ELAPOR1: variants seen among roughly 807,000 people sequenced by gnomAD.
ELAPOR1 encodes the protein endosome-lysosome associated apoptosis and autophagy regulator 1.
Under a neutral mutation model 119.7 loss-of-function variants are expected in ELAPOR1, and 77 were observed. The observed-to-expected ratio is 0.64, with a 90% CI of 0.54 to 0.78. The LOEUF (loss-of-function observed/expected upper bound fraction) is 0.78, where lower values mean the gene tolerates loss of function less well. ELAPOR1 is among the 30% of genes least tolerant of loss of function. The pLI is 0.00. For synonymous variants in ELAPOR1, 481 were observed against 487.2 expected (o/e 0.99, Z 0.17); for missense variants, 1,115 against 1,270.4 (o/e 0.88, Z 1.86).
intron 1 of ELAPOR1, among the ~76,000 whole-genome samples, chr1:109,133,903 T>C (rs1235276583): frequency 1.3e-5 from 2 of 152,320 alleles, no homozygotes; most frequent in East Asian, 3.9e-4. Flanking sequence ...CCTGTCTTAA[T>C]TTCTTCCACC....
intron 1 of ELAPOR1, among the ~76,000 whole-genome samples, chr1:109,146,059 C>T (rs758356425): frequency 6.6e-6 from 1 of 152,114 alleles, no homozygotes; most frequent in Non-Finnish European, 1.5e-5. Context: ...CATCTATAAT[C>T]CCAGCACTGT....
At chr1:109,176,202 CA>C (rs1652273476) in intron 7 of ELAPOR1, among the ~76,000 whole-genome samples, 1 of 152,054 alleles carries the variant, frequency 6.6e-6, no homozygotes, top group South Asian at 2.1e-4. Flanking sequence ...GAGGGAGTTC[CA>C]GGGGGTATCG....
At chr1:109,158,812 G>C (rs1476963497) in intron 1 of ELAPOR1, among the ~76,000 whole-genome samples, 1 of 151,502 alleles carries the variant, frequency 6.6e-6, no homozygotes, top group Non-Finnish European at 1.5e-5. Flanking sequence ...TCAGGGAATT[G>C]ATGTGTTTGC....
chr1:109,199,387 C>T (rs370079513), intron 18 of ELAPOR1, among the ~76,000 whole-genome samples: 1 of 152,174 alleles, frequency 6.6e-6, no homozygotes, highest in Admixed American at 6.5e-5. Context: ...GTCTGAGTGT[C>T]AAATCCCTGT....
At chr1:109,121,256 C>T (rs970754186) in intron 1 of ELAPOR1, among the ~76,000 whole-genome samples, 7 of 152,072 alleles carry the variant, frequency 4.6e-5, no homozygotes, top group African/African-American at 7.2e-5. Flanking sequence ...AAGGGATTCT[C>T]CTGCCTCAGC....
chr1:109,144,059 A>ATTTTTTTTTTTTT (rs1243626258), intron 1 of ELAPOR1, among the ~76,000 whole-genome samples: 5 of 34,408 alleles, frequency 1.5e-4, no homozygotes, highest in Non-Finnish European at 2.8e-4. Flanking sequence ...ATATATTTAT[A>ATTTTTTTTTTTTT]TATTTTTTTT....
intron 15 of ELAPOR1, among the ~76,000 whole-genome samples, chr1:109,194,969 G>C (rs918004728): frequency 4.6e-5 from 7 of 152,042 alleles, no homozygotes; most frequent in Admixed American, 4.6e-4. Flanking sequence ...AATTAGCTGG[G>C]CGTGGTGGTG....
chr1:109,153,719 A>G (rs1414330760), intron 1 of ELAPOR1, among the ~76,000 whole-genome samples: 2 of 151,812 alleles, frequency 1.3e-5, no homozygotes. Context: ...GGTTCACTGC[A>G]ACCTCTGCCT....
chr1:109,180,357 G>C (rs1652617791), intron 7 of ELAPOR1, among the ~76,000 whole-genome samples: 1 of 152,194 alleles, frequency 6.6e-6, no homozygotes, highest in East Asian at 1.9e-4. Flanking sequence ...AAATGGGAAG[G>C]ACAGCTGGGC....
rs140509383 is a variant in ELAPOR1 at position 109,151,683 on chromosome 1, C to G, written c.154-10211C>G. Among the ~76,000 whole-genome samples, 24 of 152,252 alleles carry G rather than the reference C, an allele frequency of 1.6e-4. No individual in the cohort carries two copies. In the East Asian group the frequency reaches 4.4e-3, roughly 28 times the overall value. On this transcript the variant is annotated intron_variant, in intron 1 of 21. Coordinates refer to ENST00000369939, the MANE Select transcript of ELAPOR1 (RefSeq NM_020775.5). ...AAAGGGCTAGTCTCTCCCTAACAGT[C>G]AGGGAACTTTTAGAGTTTGTCAGAA...
At chr1:109,149,061 G>A (rs1190877110) in intron 1 of ELAPOR1, among the ~76,000 whole-genome samples, 1 of 152,136 alleles carries the variant, frequency 6.6e-6, no homozygotes, top group Non-Finnish European at 1.5e-5. Flanking sequence ...TTAGCTCTGG[G>A]GAGTTGCTAG....
chr1:109,117,883 A>G (rs1414347669), intron 1 of ELAPOR1, among the ~76,000 whole-genome samples: 1 of 152,112 alleles, frequency 6.6e-6, no homozygotes, highest in Non-Finnish European at 1.5e-5. Context: ...TAATCCCAGC[A>G]CTTTGGGAGG....
chr1:109,179,179 T>C (rs1473666385), intron 7 of ELAPOR1, among the ~76,000 whole-genome samples: 2 of 151,748 alleles, frequency 1.3e-5, no homozygotes, highest in African/African-American at 2.4e-5. Context: ...GGCAGGTGGA[T>C]TGACTGAGCT....
intron 7 of ELAPOR1, among the ~76,000 whole-genome samples, chr1:109,181,969 G>A (rs1217115934): frequency 2.0e-5 from 3 of 152,146 alleles, no homozygotes; most frequent in Non-Finnish European, 2.9e-5. Flanking sequence ...TGAGAAATAA[G>A]CCCTTAACTG....
intron 20 of ELAPOR1, 29 bp from the exon 21 acceptor site, chr1:109,200,706 C>G (rs780523564): frequency 1.2e-6 from 2 of 1,605,132 alleles, no homozygotes; most frequent in Non-Finnish European, 1.7e-6. Flanking sequence ...ATTTTGGGAT[C>G]TTGTCTTTCC....
chr1:109,148,106 G>A (rs1011684171), intron 1 of ELAPOR1, among the ~76,000 whole-genome samples: 10 of 151,460 alleles, frequency 6.6e-5, no homozygotes, highest in African/African-American at 2.4e-4. Flanking sequence ...CAAAGTGCTG[G>A]GATTACAGGC....
intron 1 of ELAPOR1, among the ~76,000 whole-genome samples, chr1:109,119,199 A>ATT (rs577249345): frequency 5.8e-5 from 7 of 119,676 alleles, no homozygotes; most frequent in Non-Finnish European, 1.1e-4. Context: ...ACCTGGCCTA[A>ATT]TTTTTTTTTT....
intron 1 of ELAPOR1, among the ~76,000 whole-genome samples, chr1:109,131,013 G>T (rs1437420770): frequency 6.6e-6 from 1 of 152,124 alleles, no homozygotes; most frequent in East Asian, 1.9e-4. Flanking sequence ...CAATTTCTGT[G>T]GACAGGAATT....
chr1:109,181,091 G>A (rs191698907), intron 7 of ELAPOR1, among the ~76,000 whole-genome samples: 9 of 152,330 alleles, frequency 5.9e-5, no homozygotes, highest in Admixed American at 5.9e-4. Flanking sequence ...AGTTATTTCT[G>A]CATTTACCGA....
Sources: allele counts gnomAD v4.1 joint callset (sites outside exome capture counted in the v4.1 genomes callset), GRCh38; gene constraint gnomAD v4.1.1; transcripts MANE v1.5; gene names NCBI Gene and HGNC (gene_info 2026-07-23, HGNC 2026-07-21).